The following ABCA13 variants were observed in gnomAD, a reference collection of about 807,000 sequenced individuals.
The protein encoded by ABCA13 is ATP binding cassette subfamily A member 13, also known as ATP-binding cassette sub-family A member 13.
In ABCA13, 476 loss-of-function variants were observed where a neutral mutation model predicts 478.7. The observed-to-expected ratio is 0.99, with a 90% CI of 0.92 to 1.07. ABCA13 has a LOEUF of 1.07. Among genes scored for constraint, ABCA13 ranks in the 50% least tolerant of loss-of-function variants. The pLI is 0.00. For missense variants in ABCA13, 6,060 were observed against 5,910.6 expected (o/e 1.03, Z -0.83); for synonymous variants, 2,252 against 2,158.9 (o/e 1.04, Z -1.20).
chr7:48,263,951 G>T (rs1205004670), intron 15 of ABCA13, among the ~76,000 whole-genome samples: 1 of 151,786 alleles, frequency 6.6e-6, no homozygotes, highest in Admixed American at 6.6e-5. Flanking sequence ...TGTCAATTCC[G>T]GCTTCCTGCC....
In ABCA13 at chr7:48,416,205, TAGAC is replaced by T. The variant is rs150487475; in HGVS notation, c.12459+3625_12459+3628del. Among the ~76,000 whole-genome samples the T allele has an allele frequency of 5.9e-3, 905 of 152,310 alleles. 17 individuals are homozygous for T. The highest frequency in any genetic ancestry group is 0.021 in the African/African-American group (854 of 41,572). ...AGATAAATCAATGTAAAAATCTACT[TAGAC>T]AGGCCTCTACAAAGCTGCAACCTGT... On this transcript the variant is annotated intron_variant, in intron 41 of 61. Coordinates refer to ENST00000435803, the MANE Select transcript of ABCA13 (RefSeq NM_152701.5).
At chr7:48,621,790 C>A (rs1793163207) in intron 59 of ABCA13, among the ~76,000 whole-genome samples, 1 of 152,192 alleles carries the variant, frequency 6.6e-6, no homozygotes, top group South Asian at 2.1e-4. Context: ...ATCACTTCAA[C>A]AAAATAAGCC....
chr7:48,382,685 G>A (rs935486519), intron 35 of ABCA13, among the ~76,000 whole-genome samples: 1 of 151,458 alleles, frequency 6.6e-6, no homozygotes, highest in African/African-American at 2.4e-5. Flanking sequence ...CCTTTTTCTT[G>A]GGTTGAAGGG....
chr7:48,394,026 G>T (rs1030285015), intron 38 of ABCA13, among the ~76,000 whole-genome samples: 1 of 152,152 alleles, frequency 6.6e-6, no homozygotes, highest in African/African-American at 2.4e-5. Flanking sequence ...GTTCTCCCCA[G>T]ATCATGGTCT....
chr7:48,592,256 A>AGTTTT (rs1175264498), intron 57 of ABCA13, among the ~76,000 whole-genome samples: 1 of 151,484 alleles, frequency 6.6e-6, no homozygotes, highest in Non-Finnish European at 1.5e-5. Context: ...TCATCCCATA[A>AGTTTT]GTTTTGTTTT....
intron 15 of ABCA13, among the ~76,000 whole-genome samples, chr7:48,254,771 C>T (rs1793137927): frequency 2.6e-5 from 4 of 152,154 alleles, no homozygotes; most frequent in Admixed American, 2.6e-4. Flanking sequence ...GTGTAGCCTT[C>T]TGGGGGTATC....
At chr7:48,443,233 T>C (rs192262689) in intron 42 of ABCA13, among the ~76,000 whole-genome samples, 102 of 151,956 alleles carry the variant, frequency 6.7e-4, no homozygotes, top group Non-Finnish European at 7.1e-4. Flanking sequence ...TGTGGTAGTT[T>C]GTTTGGCAGC....
intron 38 of ABCA13, among the ~76,000 whole-genome samples, chr7:48,403,473 G>A (rs1224218791): frequency 6.6e-6 from 1 of 152,240 alleles, no homozygotes; most frequent in African/African-American, 2.4e-5. Flanking sequence ...TCTGCATCAC[G>A]GTTGGTGTCC....
At chr7:48,234,583 A>C (rs1789663677) in intron 8 of ABCA13, among the ~76,000 whole-genome samples, 1 of 152,200 alleles carries the variant, frequency 6.6e-6, no homozygotes, top group Admixed American at 6.5e-5. Context: ...TACGTTATGG[A>C]TGCCTGCTGG....
chr7:48,306,907 C>T lies in ABCA13; in HGVS notation c.9322-3040C>T, dbSNP rs369711376. Reference sequence around the variant, plus strand: ...TAGACTTTGAGTAAAGAAGATTACTCGTCATAATGTGAGTCAGCCTTATCC... The same window carrying T: ...TAGACTTTGAGTAAAGAAGATTACTTGTCATAATGTGAGTCAGCCTTATCC... On this transcript the variant is annotated intron_variant, in intron 23 of 61. Coordinates refer to ENST00000435803, the MANE Select transcript of ABCA13 (RefSeq NM_152701.5). Among the ~76,000 whole-genome samples, 12 of 152,288 alleles carry T rather than the reference C, an allele frequency of 7.9e-5. No homozygotes were observed. The South Asian group carries it at 2.1e-3, about 26-fold the overall frequency.
intron 39 of ABCA13, among the ~76,000 whole-genome samples, chr7:48,406,626 A>G (rs1818295560): frequency 6.6e-6 from 1 of 152,110 alleles, no homozygotes; most frequent in Admixed American, 6.5e-5. Context: ...TAATTCCAGC[A>G]CTTTGGGAGG....
At chr7:48,613,713 C>T (rs966972631) in intron 58 of ABCA13, among the ~76,000 whole-genome samples, 2 of 150,706 alleles carry the variant, frequency 1.3e-5, no homozygotes, top group African/African-American at 4.8e-5. Context: ...AGTCTTCTTT[C>T]ATGATTCCTC....
In ABCA13 at chr7:48,403,860, T is replaced by G; in HGVS notation, c.12051T>G (p.Ile4017Met). The G allele has an allele frequency of 6.2e-7, 1 of 1,613,486 alleles. No individual in the cohort carries two copies. The highest frequency in any genetic ancestry group is 8.5e-7 in the Non-Finnish European group (1 of 1,179,640). The stretch of plus-strand genomic sequence containing the variant: ...GCTCCCGGCATAGCCTGTGGGACAT[T>G]CTGCTCAAGTACCGAGAAGGTAGGC... ...DPCSRHSLWD[I>M]LLKYREGRTI... Residue 4017 changes from isoleucine (I) to methionine (M), a missense_variant, in exon 39 of 62, where the codon ATT becomes ATG. Ile to Met is a conservative substitution (Grantham distance 10). Around this residue, in one of 3 missense-constraint regions of ABCA13, gnomAD observed 1,627 missense variants for 1,571.0 expected, o/e 1.04. Coordinates refer to ENST00000435803, the MANE Select transcript of ABCA13 (RefSeq NM_152701.5).
chr7:48,182,878 CT>C (rs1795876174), intron 1 of ABCA13, among the ~76,000 whole-genome samples: 1 of 152,144 alleles, frequency 6.6e-6, no homozygotes, highest in Non-Finnish European at 1.5e-5. Context: ...TGGACTTGTG[CT>C]TTGTTGGAAC....
At chr7:48,536,043 C>A (rs1047347443) in intron 55 of ABCA13, among the ~76,000 whole-genome samples, 1 of 152,154 alleles carries the variant, frequency 6.6e-6, no homozygotes, top group Non-Finnish European at 1.5e-5. Context: ...TCTCAGCTTT[C>A]CTGGTATGTT....
Position 48,489,255 on chromosome 7 carries a change from GT to G in ABCA13, c.13206del (p.His4403IlefsTer7). 6.2e-7 allele frequency: 1 copy of G among 1,611,660 alleles called. No individual in the cohort carries two copies. The highest frequency in any genetic ancestry group is 8.5e-7 in the Non-Finnish European group (1 of 1,178,552). ...TLAKVWYNQK[G>X]FHSLPSYLNH... ...TTTTAGGTGTGGTATAATCAGAAGG[GT>G]TTTCATTCCCTACCTTCCTACTTAA... On this transcript the variant is annotated frameshift_variant, in exon 48 of 62. Transcript: ENST00000435803. LOFTEE classifies it high-confidence loss of function.
At chr7:48,468,581 A>C (rs1585458294) in intron 44 of ABCA13, among the ~76,000 whole-genome samples, 1 of 152,236 alleles carries the variant, frequency 6.6e-6, no homozygotes, top group South Asian at 2.1e-4. Context: ...GGCTTGATTC[A>C]CTAGGACCTC....
chr7:48,316,380 A>G lies in ABCA13; in HGVS notation c.9860-777A>G, dbSNP rs557159635. On this transcript the variant is annotated intron_variant, in intron 26 of 61. Transcript: ENST00000435803. ...GAGAATTTTCTTGATGAAAAACCAG[A>G]TTTATTTTTTGAATTGTCATTTTCA... is the stretch of plus-strand genomic sequence containing the variant. Among the ~76,000 whole-genome samples, 52 of 152,234 alleles carry G rather than the reference A, an allele frequency of 3.4e-4. No homozygotes were observed. The South Asian group carries it at 8.5e-3, about 25-fold the overall frequency.
At chr7:48,329,954 TATCCATCCATCTATCCATCTATGC>T (rs1418660893) in intron 27 of ABCA13, among the ~76,000 whole-genome samples, 3 of 150,894 alleles carry the variant, frequency 2.0e-5, no homozygotes, top group African/African-American at 7.3e-5. Flanking sequence ...TCTAGCCTTC[TATCCATCCATCTATCCATCTATGC>T]ATCCATTCAT....
Sources: allele counts gnomAD v4.1 joint callset (sites outside exome capture counted in the v4.1 genomes callset), GRCh38; gene constraint gnomAD v4.1.1; regional missense constraint gnomAD v4.1.1; transcripts MANE v1.5; gene names NCBI Gene and HGNC (gene_info 2026-07-23, HGNC 2026-07-21).